The following FOXN3 variants were observed in gnomAD, a reference collection of about 807,000 sequenced individuals.
The protein encoded by FOXN3 is forkhead box N3.
Under a neutral mutation model 38.4 loss-of-function variants are expected in FOXN3, and 7 were observed. The ratio of observed to expected loss-of-function variants is 0.18; its 90% CI spans 0.10 to 0.34. The LOEUF (loss-of-function observed/expected upper bound fraction) is 0.34. Among genes scored for constraint, FOXN3 ranks in the 10% least tolerant of loss-of-function variants. The pLI, the probability that FOXN3 is intolerant of heterozygous loss-of-function variation, is 1.00. For synonymous variants in FOXN3, 230 were observed against 242.2 expected, an observed-to-expected ratio of 0.95 and a Z score of 0.47; for missense variants, 456 against 613.4, an observed-to-expected ratio of 0.74 and a Z score of 2.71.
chr14:89,503,012 C>G lies in FOXN3; in HGVS notation c.-14-90522G>C, dbSNP rs896555837. Among the ~76,000 whole-genome samples the G allele has an allele frequency of 2.0e-5, 3 of 152,150 alleles. No individual in the cohort carries two copies. In the East Asian group the frequency reaches 5.8e-4, roughly 29 times the overall value. On this transcript the variant is annotated intron_variant, in intron 1 of 6. Transcript: ENST00000345097. ...TCTCTTACCTGGTGAGAAACAAAAG[C>G]ATTGAATGGCACCTACAAACTAAAC... is the stretch of plus-strand genomic sequence containing the variant.
chr14:89,194,524 C>G (rs543988947), intron 4 of FOXN3, among the ~76,000 whole-genome samples: 3 of 152,114 alleles, frequency 2.0e-5, no homozygotes, highest in Non-Finnish European at 4.4e-5. Context: ...GGACTCTCTG[C>G]TAGAACGTCT....
chr14:89,458,429 T>G (rs1892772490), intron 1 of FOXN3, among the ~76,000 whole-genome samples: 1 of 152,216 alleles, frequency 6.6e-6, no homozygotes, highest in Admixed American at 6.5e-5. Flanking sequence ...TTCCTGGGAT[T>G]AGCACATTGT....
At chr14:89,290,732 G>A (rs538765725) in intron 3 of FOXN3, 10 of 339,772 alleles carry the variant, frequency 2.9e-5, no homozygotes, top group African/African-American at 6.6e-5. Flanking sequence ...TTTGCCCTCC[G>A]TGAGCCTGCA....
intron 3 of FOXN3, among the ~76,000 whole-genome samples, chr14:89,311,142 AT>A (rs1362341823): frequency 2.0e-5 from 3 of 150,368 alleles, no homozygotes; most frequent in Non-Finnish European, 4.4e-5. Flanking sequence ...TTTAAAAAAA[AT>A]CTTATATCTT....
chr14:89,193,638 G>T (rs1047857009), intron 4 of FOXN3, among the ~76,000 whole-genome samples: 1 of 152,106 alleles, frequency 6.6e-6, no homozygotes, highest in Non-Finnish European at 1.5e-5. Flanking sequence ...TCCATTCACC[G>T]GTAGGTTGAC....
At chr14:89,199,708 G>C (rs1163660675) in intron 4 of FOXN3, among the ~76,000 whole-genome samples, 1 of 152,144 alleles carries the variant, frequency 6.6e-6, no homozygotes, top group East Asian at 1.9e-4. Flanking sequence ...TTCAAGACCA[G>C]CCTGGCCAAC....
At chr14:89,187,053 G>A (rs1887825894) in intron 4 of FOXN3, among the ~76,000 whole-genome samples, 1 of 152,214 alleles carries the variant, frequency 6.6e-6, no homozygotes, top group African/African-American at 2.4e-5. Flanking sequence ...AGCAAGGGTA[G>A]GAGGAAGAGA....
chr14:89,317,883 A>T (rs906575999), intron 3 of FOXN3, among the ~76,000 whole-genome samples: 3 of 149,788 alleles, frequency 2.0e-5, no homozygotes, highest in Non-Finnish European at 4.4e-5. Flanking sequence ...TGCAAACCCT[A>T]CTGTGAACTG....
At chr14:89,510,119 A>G (rs1056580890) in intron 1 of FOXN3, among the ~76,000 whole-genome samples, 3 of 152,162 alleles carry the variant, frequency 2.0e-5, no homozygotes, top group African/African-American at 4.8e-5. Flanking sequence ...ATGGGGGAAG[A>G]TTAGAGAAAA....
intron 4 of FOXN3, among the ~76,000 whole-genome samples, chr14:89,208,519 C>A (rs1005321162): frequency 4.6e-5 from 7 of 152,150 alleles, no homozygotes; most frequent in African/African-American, 1.7e-4. Flanking sequence ...GATCATTTTT[C>A]CACTTTAGTA....
chr14:89,208,224 G>A (rs577256813), intron 4 of FOXN3, among the ~76,000 whole-genome samples: 8 of 152,284 alleles, frequency 5.3e-5, no homozygotes, highest in African/African-American at 1.4e-4. Flanking sequence ...AAAAAAAGGC[G>A]GGTACGGGCC....
chr14:89,591,728 C>T (rs972751680), intron 1 of FOXN3, among the ~76,000 whole-genome samples: 6 of 152,048 alleles, frequency 3.9e-5, no homozygotes, highest in African/African-American at 7.2e-5. Flanking sequence ...AGTTCAACGC[C>T]GGCCTGGGCA....
In FOXN3 at chr14:89,427,301, C is replaced by CTTTT. The variant is rs34755821; in HGVS notation, c.-14-14815_-14-14812dup. On this transcript the variant is annotated intron_variant, in intron 1 of 6. Transcript: ENST00000345097. The stretch of plus-strand genomic sequence containing the variant: ...CACAAGAGGAGGAAGGAAAAGGGGA[C>CTTTT]TTTTTTTTTTTTTTTTTTTTTTGAG... Among the ~76,000 whole-genome samples the CTTTT allele has an allele frequency of 2.5e-3, 166 of 67,734 alleles. 11 individuals are homozygous for CTTTT. Among genetic ancestry groups the CTTTT allele is most frequent in the African/African-American group, 6.3e-3 (104 of 16,574 alleles). 44.4% of individuals were successfully genotyped at this position (67,734 alleles called of 152,430 possible).
intron 2 of FOXN3, among the ~76,000 whole-genome samples, chr14:89,359,474 TTG>T (rs2140023759): frequency 6.6e-6 from 1 of 152,312 alleles, no homozygotes; most frequent in Non-Finnish European, 1.5e-5. Flanking sequence ...ACATGACTAT[TTG>T]TTTTCCATAG....
At chr14:89,581,140 C>T (rs1013938114) in intron 1 of FOXN3, among the ~76,000 whole-genome samples, 2 of 151,970 alleles carry the variant, frequency 1.3e-5, no homozygotes, top group African/African-American at 4.8e-5. Flanking sequence ...CATTATCATG[C>T]CAATGTACTC....
chr14:89,214,243 T>C (rs532414873), intron 4 of FOXN3, among the ~76,000 whole-genome samples: 1 of 152,324 alleles, frequency 6.6e-6, no homozygotes, highest in South Asian at 2.1e-4. Context: ...TTCTATCATC[T>C]GTGAAGCAAG....
chr14:89,394,589 C>T (rs1252540726), intron 2 of FOXN3, among the ~76,000 whole-genome samples: 1 of 152,176 alleles, frequency 6.6e-6, no homozygotes, highest in Non-Finnish European at 1.5e-5. Flanking sequence ...AAGAAAATGA[C>T]ATCATCAAGA....
rs138164771 is a variant in FOXN3, at chr14:89,540,030, G to A, written c.-15+78998C>T. Among the ~76,000 whole-genome samples the A allele has an allele frequency of 1.1e-4, 16 of 152,224 alleles. No individual in the cohort carries two copies. In the East Asian group the frequency reaches 2.9e-3, roughly 28 times the overall value. On this transcript the variant is annotated intron_variant, in intron 1 of 6. Coordinates refer to the FOXN3 transcript ENST00000345097. ...CTGTTTCTACTTTTCTATGAAATCC[G>A]ATAGCCAGATATCACGATGCAACAG...
intron 1 of FOXN3, among the ~76,000 whole-genome samples, chr14:89,488,177 G>A (rs1893491106): frequency 6.6e-6 from 1 of 151,562 alleles, no homozygotes; most frequent in Non-Finnish European, 1.5e-5. Flanking sequence ...CTGCCTCCCT[G>A]GTTCAAGCGA....
Sources: allele counts gnomAD v4.1 joint callset (sites outside exome capture counted in the v4.1 genomes callset), GRCh38; gene constraint gnomAD v4.1.1; transcripts MANE v1.5; gene names NCBI Gene and HGNC (gene_info 2026-07-23, HGNC 2026-07-21).